Variants in ZFAND3 observed in about 807,000 individuals in gnomAD.
ZFAND3 encodes zinc finger AN1-type containing 3, also known as AN1-type zinc finger protein 3.
A neutral mutation model predicts 29.6 loss-of-function variants in ZFAND3; 10 were observed. That is an observed-to-expected ratio of 0.34 (90% CI 0.21 to 0.57). The LOEUF (loss-of-function observed/expected upper bound fraction) is 0.57, where lower values mean the gene tolerates loss of function less well. Ranked by LOEUF, ZFAND3 falls within the 20% of genes least tolerant of loss-of-function variation. The pLI, the probability that ZFAND3 is intolerant of heterozygous loss-of-function variation, is 0.86. For synonymous variants in ZFAND3, 128 were observed against 112.6 expected, an observed-to-expected ratio of 1.14 and a Z score of -0.87; for missense variants, 230 against 304.5, an observed-to-expected ratio of 0.76 and a Z score of 1.82.
intron 1 of ZFAND3, among the ~76,000 whole-genome samples, chr6:37,888,729 T>C (rs1254009359): frequency 6.6e-6 from 1 of 152,226 alleles, no homozygotes; most frequent in Non-Finnish European, 1.5e-5. Flanking sequence ...TGTATAGATC[T>C]CTTTCTCTTT....
chr6:38,147,669 C>G (rs1175043554), intron 5 of ZFAND3, among the ~76,000 whole-genome samples: 2 of 152,194 alleles, frequency 1.3e-5, no homozygotes. Context: ...TAACAATAGC[C>G]ATACTGACTG....
chr6:38,059,842 C>T (rs1764200559), intron 2 of ZFAND3, among the ~76,000 whole-genome samples: 1 of 152,156 alleles, frequency 6.6e-6, no homozygotes, highest in Non-Finnish European at 1.5e-5. Context: ...TGCCACTGCA[C>T]TTCAGCCTGG....
chr6:38,116,810 G>T (rs1762418829), intron 5 of ZFAND3, 71 bp downstream of exon 5: 1 of 1,544,266 alleles, frequency 6.5e-7, no homozygotes, highest in African/African-American at 1.4e-5. Flanking sequence ...GGAAATTTAA[G>T]TGGCTGAAGT....
intron 3 of ZFAND3, among the ~76,000 whole-genome samples, chr6:38,080,075 A>G (rs941805979): frequency 9.9e-5 from 15 of 151,400 alleles, no homozygotes; most frequent in African/African-American, 3.4e-4. Flanking sequence ...AAAACACCAC[A>G]TGTTCTCACT....
intron 2 of ZFAND3, among the ~76,000 whole-genome samples, chr6:37,947,525 A>G (rs998955259): frequency 2.0e-5 from 3 of 152,190 alleles, no homozygotes; most frequent in African/African-American, 7.2e-5. Context: ...GTATTTTATT[A>G]AAGTACTACA....
intron 2 of ZFAND3, among the ~76,000 whole-genome samples, chr6:38,041,631 T>TC (rs1554169126): frequency 5.3e-5 from 3 of 56,196 alleles, no homozygotes; most frequent in African/African-American, 1.6e-4. Context: ...TTATCTACTT[T>TC]TTCTTCTTCT....
At chr6:37,983,287 C>G (rs1762610376) in intron 2 of ZFAND3, among the ~76,000 whole-genome samples, 1 of 150,512 alleles carries the variant, frequency 6.6e-6, no homozygotes, top group East Asian at 1.9e-4. Flanking sequence ...GAGCACCTTC[C>G]AGTCCTGTAA....
At chr6:38,005,421 G>A (rs1763031940) in intron 2 of ZFAND3, among the ~76,000 whole-genome samples, 7 of 152,132 alleles carry the variant, frequency 4.6e-5, no homozygotes, top group Admixed American at 4.6e-4. Context: ...AGTATAGGTG[G>A]TGTGCATTAT....
At chr6:38,058,839 T>C (rs1341489991) in intron 2 of ZFAND3, among the ~76,000 whole-genome samples, 1 of 152,246 alleles carries the variant, frequency 6.6e-6, no homozygotes, top group Non-Finnish European at 1.5e-5. Context: ...AGGGTTTTCC[T>C]GATGATTAAC....
At chr6:38,101,927 T>G (rs574018131) in intron 4 of ZFAND3, among the ~76,000 whole-genome samples, 2 of 152,314 alleles carry the variant, frequency 1.3e-5, no homozygotes, top group South Asian at 4.1e-4. Flanking sequence ...TACTCAGTTA[T>G]GCATTCAAGC....
chr6:38,044,247 G>C (rs1049609176), intron 2 of ZFAND3, among the ~76,000 whole-genome samples: 2 of 152,092 alleles, frequency 1.3e-5, no homozygotes, highest in Non-Finnish European at 2.9e-5. Flanking sequence ...TACACCCATA[G>C]CAGTACACTA....
At chr6:38,054,022 TC>T (rs756901349) in intron 2 of ZFAND3, among the ~76,000 whole-genome samples, 1 of 151,776 alleles carries the variant, frequency 6.6e-6, no homozygotes, top group Non-Finnish European at 1.5e-5. Context: ...TCATTTATCA[TC>T]ATTAGGATAT....
At chr6:37,941,959 C>G (rs1761818273) in intron 2 of ZFAND3, among the ~76,000 whole-genome samples, 1 of 152,170 alleles carries the variant, frequency 6.6e-6, no homozygotes, top group East Asian at 1.9e-4. Context: ...TCCCCAGCTT[C>G]CCTGTGGGTT....
At chr6:37,919,033 A>G (rs1323636671) in intron 1 of ZFAND3, among the ~76,000 whole-genome samples, 2 of 141,562 alleles carry the variant, frequency 1.4e-5, no homozygotes, top group Admixed American at 1.5e-4. Flanking sequence ...GGCTCACTGC[A>G]ACCTCCGACT....
At chr6:38,098,070 C>T (rs956865256) in intron 4 of ZFAND3, among the ~76,000 whole-genome samples, 13 of 152,154 alleles carry the variant, frequency 8.5e-5, no homozygotes, top group African/African-American at 2.7e-4. Flanking sequence ...CCTGGCCCCA[C>T]CCCGCTTTTT....
intron 1 of ZFAND3, among the ~76,000 whole-genome samples, chr6:37,878,711 G>A (rs1341047268): frequency 6.6e-6 from 1 of 152,174 alleles, no homozygotes; most frequent in African/African-American, 2.4e-5. Context: ...GTTAGATTTG[G>A]GAATTAGTTT....
At chr6:37,855,314 C>CT (rs970061636) in intron 1 of ZFAND3, among the ~76,000 whole-genome samples, 4,253 of 134,362 alleles carry the variant, frequency 0.032, 74 homozygotes, top group African/African-American at 0.04. Context: ...CTGGCTAACT[C>CT]TTTTTTTTTT....
chr6:37,973,893 G>T (rs570183165), intron 2 of ZFAND3, among the ~76,000 whole-genome samples: 1 of 152,260 alleles, frequency 6.6e-6, no homozygotes, highest in African/African-American at 2.4e-5. Flanking sequence ...CAATACAGTG[G>T]CCAGTATATT....
intron 1 of ZFAND3, among the ~76,000 whole-genome samples, chr6:37,865,367 A>G (rs889586300): frequency 6.6e-6 from 1 of 152,054 alleles, no homozygotes; most frequent in African/African-American, 2.4e-5. Flanking sequence ...TACAGGTGCA[A>G]TTTCTTTTTC....
Sources: allele counts gnomAD v4.1 joint callset (sites outside exome capture counted in the v4.1 genomes callset), GRCh38; gene constraint gnomAD v4.1.1; transcripts MANE v1.5; gene names NCBI Gene and HGNC (gene_info 2026-07-23, HGNC 2026-07-21).